Variants in GLIS3 observed in about 807,000 individuals in gnomAD.
GLIS3 encodes the protein zinc finger protein GLIS3.
In GLIS3, 53 loss-of-function variants were observed where a neutral mutation model predicts 78.6. The observed-to-expected ratio is 0.67, with a 90% CI of 0.54 to 0.85. The LOEUF (loss-of-function observed/expected upper bound fraction) is 0.85, where lower values mean the gene tolerates loss of function less well. GLIS3 is among the 40% of genes least tolerant of loss of function. The pLI is 0.00. For synonymous variants in GLIS3, 684 were observed against 509.9 expected (o/e 1.34, Z -4.60); for missense variants, 1,703 against 1,231.1 (o/e 1.38, Z -5.74).
intron 9 of GLIS3, among the ~76,000 whole-genome samples, chr9:3,829,755 C>T (rs1817940333): frequency 6.6e-6 from 1 of 152,126 alleles, no homozygotes; most frequent in African/African-American, 2.4e-5. Flanking sequence ...GGCTTCTTAC[C>T]TTCCCTAGAC....
At chr9:3,949,795 G>A (rs192256178) in intron 4 of GLIS3, among the ~76,000 whole-genome samples, 14 of 152,246 alleles carry the variant, frequency 9.2e-5, no homozygotes, top group Admixed American at 5.9e-4. Context: ...GTCTCTTTGA[G>A]GCAAAATGCC....
chr9:4,335,267 TAAGA>T (rs1183649011), intron 2 of GLIS3, among the ~76,000 whole-genome samples: 2 of 152,148 alleles, frequency 1.3e-5, no homozygotes, highest in Admixed American at 6.6e-5. Context: ...ATTAGAAGCA[TAAGA>T]AATAACTCCA....
intron 1 of GLIS3, among the ~76,000 whole-genome samples, chr9:4,297,721 G>A (rs968206811): frequency 6.6e-6 from 1 of 152,166 alleles, no homozygotes; most frequent in Non-Finnish European, 1.5e-5. Flanking sequence ...AGGGCCAAGC[G>A]GATACCGGGG....
chr9:4,406,371 A>G, the GLIS3 span, among the ~76,000 whole-genome samples: 1 of 152,132 alleles, frequency 6.6e-6, no homozygotes, highest in African/African-American at 2.4e-5. Context: ...CCTGGGCTGG[A>G]GTGCAATTGT....
At chr9:4,117,190 T>C (rs1449652474) in intron 4 of GLIS3, among the ~76,000 whole-genome samples, 1 of 152,188 alleles carries the variant, frequency 6.6e-6, no homozygotes, top group Non-Finnish European at 1.5e-5. Flanking sequence ...TGCTCCTGTG[T>C]ATCCCCTGGG....
At chr9:4,194,760 G>A (rs1327364333) in intron 2 of GLIS3, among the ~76,000 whole-genome samples, 1 of 152,198 alleles carries the variant, frequency 6.6e-6, no homozygotes, top group African/African-American at 2.4e-5. Context: ...CCTTTCCACT[G>A]AAGCTCCGGG....
intron 2 of GLIS3, among the ~76,000 whole-genome samples, chr9:4,141,033 C>G (rs745321733): frequency 1.4e-4 from 21 of 152,206 alleles, no homozygotes; most frequent in Non-Finnish European, 2.5e-4. Flanking sequence ...CTCCTCACCT[C>G]AGGTGATCCA....
chr9:4,428,702 T>C, the GLIS3 span, among the ~76,000 whole-genome samples: 1 of 152,058 alleles, frequency 6.6e-6, no homozygotes, highest in African/African-American at 2.4e-5. Flanking sequence ...ACATAGTATA[T>C]AGGGTCATTC....
intron 6 of GLIS3, among the ~76,000 whole-genome samples, chr9:3,931,807 G>C (rs1212934214): frequency 6.6e-6 from 1 of 152,134 alleles, no homozygotes; most frequent in African/African-American, 2.4e-5. Flanking sequence ...TGTCAAAGTG[G>C]TTTTAAGTTC....
At chr9:3,872,975 A>T (rs775450495) in intron 8 of GLIS3, among the ~76,000 whole-genome samples, 120 of 152,210 alleles carry the variant, frequency 7.9e-4, no homozygotes, top group Non-Finnish European at 7.5e-4. Flanking sequence ...GCAACCAAAC[A>T]AAAAGCTGGT....
chr9:4,116,821 T>A (rs898565912), intron 4 of GLIS3, among the ~76,000 whole-genome samples: 5 of 152,216 alleles, frequency 3.3e-5, no homozygotes, highest in Non-Finnish European at 7.3e-5. Flanking sequence ...AAATGAAATA[T>A]TTCTGTCCAT....
intron 2 of GLIS3, among the ~76,000 whole-genome samples, chr9:4,179,153 A>G (rs1296101916): frequency 1.3e-5 from 2 of 152,190 alleles, no homozygotes; most frequent in Non-Finnish European, 2.9e-5. Context: ...TTACATTTGG[A>G]TAGTCTGCAA....
chr9:4,466,572 T>C, the GLIS3 span, among the ~76,000 whole-genome samples: 3 of 152,166 alleles, frequency 2.0e-5, no homozygotes, highest in African/African-American at 7.2e-5. Context: ...ACAATATATA[T>C]AAAGGATAAT....
intron 4 of GLIS3, among the ~76,000 whole-genome samples, chr9:3,980,015 C>A (rs1819124660): frequency 6.6e-6 from 1 of 152,032 alleles, no homozygotes; most frequent in South Asian, 2.1e-4. Flanking sequence ...GTTTAGGAGT[C>A]TGGGGTCAGA....
chr9:3,841,336 C>G (rs1818702606), intron 9 of GLIS3, among the ~76,000 whole-genome samples: 1 of 152,168 alleles, frequency 6.6e-6, no homozygotes, highest in African/African-American at 2.4e-5. Flanking sequence ...AATAGAGATT[C>G]TCAAAACCAA....
intron 4 of GLIS3, among the ~76,000 whole-genome samples, chr9:4,055,794 T>C (rs998357640): frequency 2.0e-5 from 3 of 152,230 alleles, no homozygotes; most frequent in Non-Finnish European, 4.4e-5. Flanking sequence ...CCAGCTTCAT[T>C]GGAGGGATGT....
At chr9:4,467,435 C>G in the GLIS3 span, among the ~76,000 whole-genome samples, 1 of 152,136 alleles carries the variant, frequency 6.6e-6, no homozygotes, top group East Asian at 1.9e-4. Context: ...GATGAAGCTT[C>G]TAGAGGAAAG....
chr9:3,973,882 G>GA (rs1818566694), intron 4 of GLIS3, among the ~76,000 whole-genome samples: 1 of 152,038 alleles, frequency 6.6e-6, no homozygotes, highest in Non-Finnish European at 1.5e-5. Flanking sequence ...ACTTTTACAT[G>GA]TTTACTTAAT....
chr9:4,463,539 GAT>G, the GLIS3 span, among the ~76,000 whole-genome samples: 1 of 152,094 alleles, frequency 6.6e-6, no homozygotes. Flanking sequence ...TAACCAAGCC[GAT>G]TAGATTAATT....
Sources: allele counts gnomAD v4.1 joint callset (sites outside exome capture counted in the v4.1 genomes callset), GRCh38; gene constraint gnomAD v4.1.1; transcripts MANE v1.5; gene names NCBI Gene and HGNC (gene_info 2026-07-23, HGNC 2026-07-21).